The following GEN1 variants were observed in gnomAD, a reference collection of about 807,000 sequenced individuals.
The protein encoded by GEN1 is flap endonuclease GEN homolog 1.
GEN1 carries 64 observed loss-of-function variants against 67.6 expected under a neutral mutation model. That is an observed-to-expected ratio of 0.95 (90% CI 0.77 to 1.17). The LOEUF (loss-of-function observed/expected upper bound fraction) is 1.17, where lower values mean the gene tolerates loss of function less well. Ranked by LOEUF, GEN1 falls within the 50% of genes most tolerant of loss-of-function variation. The pLI, the probability that GEN1 is intolerant of heterozygous loss-of-function variation, is 0.00. For missense variants in GEN1, 1,058 were observed against 1,048.3 expected, an observed-to-expected ratio of 1.01 and a Z score of -0.13; for synonymous variants, 371 against 359.4, an observed-to-expected ratio of 1.03 and a Z score of -0.37.
intron 1 of GEN1, chr2:17,754,688 G>C (rs1404875333): frequency 6.6e-6 from 1 of 152,284 alleles, no homozygotes; most frequent in Non-Finnish European, 1.5e-5. Flanking sequence ...AGCCCTCCCT[G>C]GTCCCCATAG....
chr2:17,776,475 T>TG (rs1488223342), intron 11 of GEN1, among the ~76,000 whole-genome samples: 1 of 152,198 alleles, frequency 6.6e-6, no homozygotes, highest in African/African-American at 2.4e-5. Context: ...TGATGTGCCA[T>TG]GAGACATGTT....
chr2:17,766,170 CT>C (rs1043102455), intron 4 of GEN1, among the ~76,000 whole-genome samples: 7 of 152,006 alleles, frequency 4.6e-5, no homozygotes, highest in Non-Finnish European at 1.0e-4. Flanking sequence ...AATAATTAAA[CT>C]TTTTTTCTTT....
At chr2:17,756,087 T>G (rs1239519121) in intron 1 of GEN1, among the ~76,000 whole-genome samples, 4 of 152,218 alleles carry the variant, frequency 2.6e-5, no homozygotes, top group Admixed American at 2.0e-4. Context: ...TATTAAATAC[T>G]AGATTACAGA....
rs143406109 is a variant in GEN1 at position 17,760,619 on chromosome 2, C to T, written c.161+515C>T. On this transcript the variant is annotated intron_variant, in intron 2 of 13. Coordinates refer to ENST00000381254, the MANE Select transcript of GEN1 (RefSeq NM_001130009.3). Reference sequence around the variant, plus strand: ...TTAGAATAATCATAAATCTTTCTTGCTTAAAAATATTCAGTGGTTTGGCCG... The same window carrying T: ...TTAGAATAATCATAAATCTTTCTTGTTTAAAAATATTCAGTGGTTTGGCCG... Among the ~76,000 whole-genome samples, 10 of 152,266 alleles carry T rather than the reference C, an allele frequency of 6.6e-5. No homozygotes were observed. The East Asian group carries it at 1.9e-3, about 29-fold the overall frequency.
At position 17,782,526 on chromosome 2, in the gene GEN1, C is replaced by A. The variant is rs1383133697; in HGVS notation, c.*587C>A. ...GCTCTTCCACTTTTGGTGTCTTAGT[C>A]TCTTTTGAGGGGCAAAAATAGAAAA... is the stretch of plus-strand genomic sequence containing the variant. On this transcript the variant is annotated 3_prime_UTR_variant, in exon 14 of 14. Coordinates refer to ENST00000381254, the MANE Select transcript of GEN1 (RefSeq NM_001130009.3). 6.6e-6 allele frequency: 1 copy of A among 152,128 alleles called. No individual in the cohort carries two copies. Among genetic ancestry groups the A allele is most frequent in the African/African-American group, 2.4e-5 (1 of 41,430 alleles). 9.4% of individuals were successfully genotyped at this position (152,128 alleles called of 1,614,324 possible).
chr2:17,788,242 G>A lies in GEN1; in HGVS notation c.*6303G>A, dbSNP rs1353340389. On this transcript the variant is annotated 3_prime_UTR_variant, in exon 14 of 14. Transcript: ENST00000381254. ...CAATGTTTATCACCTTCTTAACCAA[G>A]CAAAGCTTTTATCAGGCTCAGCTAA... The A allele has an allele frequency of 6.6e-6, 1 of 152,140 alleles. No individual in the cohort carries two copies. The highest frequency in any genetic ancestry group is 1.5e-5 in the Non-Finnish European group (1 of 68,020). The allele number at this position is 152,140 out of a possible 1,614,324, so 9.4% of individuals were successfully genotyped here. A position where few individuals can be genotyped will look rare whatever the true frequency, so the allele number is the denominator to read the frequency against.
intron 5 of GEN1, 77 bp downstream of exon 5, chr2:17,766,766 T>C: frequency 2.7e-6 from 2 of 735,226 alleles, no homozygotes; most frequent in South Asian, 3.6e-5. Flanking sequence ...AATATGAATA[T>C]AATATGGCTA....
In GEN1 at chr2:17,781,904, C is replaced by T. The variant is rs17315702; in HGVS notation, c.2692C>T (p.Arg898Cys). The change falls in exon 14 of 14, where the codon CGC becomes TGC. Residue 898 changes from arginine to cysteine, a missense_variant. By Grantham distance (180) the Arg-to-Cys change is radical. Transcript: ENST00000381254. ...GTCLDSPLPLRQRLKLRFQST is the reference protein window; with the variant it reads ...GTCLDSPLPLCQRLKLRFQST ...TTGTTTGGATAGCCCTCTTCCTTTA[C>T]GCCAGAGATTAAAACTAAGATTCCA... 14,232 of 1,567,132 alleles carry T rather than the reference C, an allele frequency of 9.1e-3. 89 individuals carry two copies. Among genetic ancestry groups the T allele is most frequent in the Non-Finnish European group, 0.011 (12,613 of 1,163,324 alleles).
At chr2:17,772,597 G>A in intron 7 of GEN1, 37 bp from the exon 8 acceptor site, 1 of 1,555,230 alleles carries the variant, frequency 6.4e-7, no homozygotes, top group Non-Finnish European at 8.7e-7. Flanking sequence ...ATTATAAAAG[G>A]CAAAAAATAT....
At position 17,766,610 on chromosome 2, in the gene GEN1, C is replaced by T. The variant is rs1671947286; in HGVS notation, c.557C>T (p.Ser186Phe). The T allele has an allele frequency of 6.2e-7, 1 of 1,605,854 alleles. No homozygotes were observed. Among genetic ancestry groups the T allele is most frequent in the African/African-American group, 1.3e-5 (1 of 74,828 alleles). ...DPHVDCYTMS[S>F]IKSKLGLDRD... The stretch of plus-strand genomic sequence containing the variant: ...CATGTTGACTGTTACACAATGTCAT[C>T]TATCAAGAGTAAACTAGGTTTGGAT... The change falls in exon 5 of 14, where the codon TCT becomes TTT. Residue 186 changes from serine to phenylalanine, a missense_variant. Transcript: ENST00000381254.
At chr2:17,763,293 A>G (rs1671768379) in intron 3 of GEN1, among the ~76,000 whole-genome samples, 1 of 152,176 alleles carries the variant, frequency 6.6e-6, no homozygotes, top group South Asian at 2.1e-4. Context: ...GCTAAGTTCT[A>G]ATTACTTCTT....
In GEN1 at chr2:17,781,489, T is replaced by G; in HGVS notation, c.2277T>G (p.Ser759Arg). 1 of 1,613,648 alleles carries G rather than the reference T, an allele frequency of 6.2e-7. No homozygotes were observed. Among genetic ancestry groups the G allele is most frequent in the African/African-American group, 1.3e-5 (1 of 75,048 alleles). Residue 759 changes from serine (S) to arginine (R), a missense_variant, in exon 14 of 14, where the codon AGT (serine) becomes AGG (arginine). Physicochemically the swap from Ser to Arg is moderately radical, Grantham distance 110 (BLOSUM62 -1). Coordinates refer to ENST00000381254, the MANE Select transcript of GEN1 (RefSeq NM_001130009.3). ...ATACTTCTGTCCCTTATTCTGTCAG[T>G]AACACAGTGGTAAAGACCTGCAATG... ...KVNTSVPYSV[S>R]NTVVKTCNVR...
intron 13 of GEN1, 48 bp from the exon 14 acceptor site, chr2:17,780,573 A>G: frequency 8.0e-7 from 1 of 1,252,290 alleles, no homozygotes; most frequent in Non-Finnish European, 1.1e-6. Flanking sequence ...TACCCAAGTT[A>G]AAGCAAAGAA....
chr2:17,773,749 C>T (rs1172542934), intron 10 of GEN1, among the ~76,000 whole-genome samples: 1 of 151,940 alleles, frequency 6.6e-6, no homozygotes, highest in Admixed American at 6.6e-5. Context: ...CATAAAGTCA[C>T]CATGAGGATT....
At position 17,788,221 on chromosome 2, in the gene GEN1, G is replaced by A. The variant is rs1028411674; in HGVS notation, c.*6282G>A. On this transcript the variant is annotated 3_prime_UTR_variant, in exon 14 of 14. Coordinates refer to ENST00000381254, the MANE Select transcript of GEN1 (RefSeq NM_001130009.3). Reference sequence around the variant, plus strand: ...TTCATCTATATATTAACGTGGCAATGTTTATCACCTTCTTAACCAAGCAAA... The same window carrying A: ...TTCATCTATATATTAACGTGGCAATATTTATCACCTTCTTAACCAAGCAAA... 1.3e-5 allele frequency: 2 copies of A among 152,190 alleles called. No homozygotes were observed. The highest frequency in any genetic ancestry group is 6.5e-5 in the Admixed American group (1 of 15,284). 9.4% of individuals were successfully genotyped at this position (152,190 alleles called of 1,614,324 possible). A position where few individuals can be genotyped will look rare whatever the true frequency, so the allele number is the denominator to read the frequency against.
intron 7 of GEN1, among the ~76,000 whole-genome samples, 154 bp from the exon 8 acceptor site, chr2:17,772,480 T>C (rs552485962): frequency 7.2e-5 from 11 of 152,200 alleles, no homozygotes; most frequent in African/African-American, 2.6e-4. Flanking sequence ...TCTATTACTC[T>C]ATTCATCCTA....
chr2:17,760,235 C>T, intron 2 of GEN1, 131 bp downstream of exon 2: 1 of 843,468 alleles, frequency 1.2e-6, no homozygotes, highest in Non-Finnish European at 1.8e-6. Flanking sequence ...ATCTATTTAA[C>T]ATGTCTAGAT....
At position 17,757,387 on chromosome 2, in the gene GEN1, AT is replaced by A. The variant is rs949938846; in HGVS notation, c.-15-2531del. On this transcript the variant is annotated intron_variant, in intron 1 of 13. Transcript: ENST00000381254. ...CAAGAGTCTACCTTATTGCTGTTTT[AT>A]TTTTTTTTTTACCATAACCCTCAGA... Among the ~76,000 whole-genome samples the A allele has an allele frequency of 2.1e-3, 308 of 144,684 alleles. 1 individual carries two copies. Among genetic ancestry groups the A allele is most frequent in the Middle Eastern group, 3.5e-3 (1 of 284 alleles). The allele number at this position is 144,684 out of a possible 152,430, so 94.9% of individuals were successfully genotyped here.
In GEN1 at chr2:17,774,409, A is replaced by G; in HGVS notation, c.1202+8A>G. 3 of 1,591,848 alleles carry G rather than the reference A, an allele frequency of 1.9e-6. No homozygotes were observed. Among genetic ancestry groups the G allele is most frequent in the South Asian group, 2.3e-5 (2 of 86,736 alleles). On this transcript the variant is annotated splice_region_variant and intron_variant, in intron 11 of 13. Transcript: ENST00000381254. ...TCAACTACAGCCAATTCGGTAATGT[A>G]AAGAACTGTATGGTGAAGGTGGTGT...
Sources: allele counts gnomAD v4.1 joint callset (sites outside exome capture counted in the v4.1 genomes callset), GRCh38; gene constraint gnomAD v4.1.1; transcripts MANE v1.5; gene names NCBI Gene and HGNC (gene_info 2026-07-23, HGNC 2026-07-21).